The following HECW2 variants were observed in gnomAD, a reference collection of about 807,000 sequenced individuals.
HECW2 encodes the protein E3 ubiquitin-protein ligase HECW2.
A neutral mutation model predicts 175.2 loss-of-function variants in HECW2; 61 were observed. The observed-to-expected ratio is 0.35, with a 90% CI of 0.28 to 0.43. The LOEUF is 0.43. Ranked by LOEUF, HECW2 falls within the 20% of genes least tolerant of loss-of-function variation. The probability of loss-of-function intolerance (pLI) is 1.00; values close to 1 mark genes in which losing one functional copy is unlikely to be tolerated. For missense variants in HECW2, 1,524 were observed against 2,000.5 expected, an observed-to-expected ratio of 0.76 and a Z score of 4.54; for synonymous variants, 671 against 731.0, an observed-to-expected ratio of 0.92 and a Z score of 1.32.
chr2:196,351,190 TA>T (rs891491822), intron 2 of HECW2, among the ~76,000 whole-genome samples: 25 of 151,366 alleles, frequency 1.7e-4, no homozygotes, highest in African/African-American at 4.4e-4. Context: ...TCTTTTTTTT[TA>T]AAAAAAATGA....
Position 196,410,204 on chromosome 2 carries a change from TG to T in HECW2, c.292+22927del, listed in dbSNP as rs1695071627. 2.0e-5 allele frequency among the ~76,000 whole-genome samples: 3 copies of T among 152,318 alleles called. No individual in the cohort carries two copies. In the South Asian group the frequency reaches 6.2e-4, roughly 32 times the overall value. On this transcript the variant is annotated intron_variant, in intron 2 of 28. Transcript: ENST00000644978. ...GTTCTCACTTAGGGATGCAAAGATTTGTAAATATGATCTTTGTTCCATGGTC... is the reference window on the plus strand; with the variant it reads ...GTTCTCACTTAGGGATGCAAAGATTTTAAATATGATCTTTGTTCCATGGTC...
intron 2 of HECW2, among the ~76,000 whole-genome samples, chr2:196,431,069 G>A (rs918128398): frequency 1.3e-5 from 2 of 152,156 alleles, no homozygotes; most frequent in African/African-American, 4.8e-5. Context: ...GTAACATACA[G>A]GGGAACAAAG....
At chr2:196,213,554 C>T (rs1022679926) in intron 28 of HECW2, among the ~76,000 whole-genome samples, 14 of 152,076 alleles carry the variant, frequency 9.2e-5, no homozygotes, top group South Asian at 8.3e-4. Flanking sequence ...GGGCTTGTTA[C>T]GGAGAGGGTA....
intron 2 of HECW2, among the ~76,000 whole-genome samples, chr2:196,382,500 T>C (rs1037112659): frequency 6.6e-6 from 1 of 152,070 alleles, no homozygotes; most frequent in Non-Finnish European, 1.5e-5. Flanking sequence ...AACATTATCT[T>C]ACAGTTTTTT....
At chr2:196,401,770 T>G (rs1170236242) in intron 2 of HECW2, among the ~76,000 whole-genome samples, 1 of 152,152 alleles carries the variant, frequency 6.6e-6, no homozygotes, top group Non-Finnish European at 1.5e-5. Context: ...GAGAAAAAAT[T>G]TTTACTAATG....
intron 2 of HECW2, among the ~76,000 whole-genome samples, chr2:196,368,719 T>C (rs1693823975): frequency 1.3e-5 from 2 of 152,118 alleles, no homozygotes; most frequent in South Asian, 2.1e-4. Context: ...GTCTTCAAGA[T>C]AATTTTTTCT....
At chr2:196,542,587 T>G (rs1015246662) in intron 1 of HECW2, among the ~76,000 whole-genome samples, 1 of 151,966 alleles carries the variant, frequency 6.6e-6, no homozygotes, top group African/African-American at 2.4e-5. Context: ...AAAGTCTCCC[T>G]TACACCCTTT....
intron 17 of HECW2, among the ~76,000 whole-genome samples, chr2:196,267,973 G>A (rs1214267094): frequency 1.3e-5 from 2 of 152,144 alleles, no homozygotes; most frequent in African/African-American, 2.4e-5. Flanking sequence ...AGTGAACTTT[G>A]ACACATAGAT....
chr2:196,348,339 C>A (rs6756386), intron 2 of HECW2, among the ~76,000 whole-genome samples: 1,602 of 152,112 alleles, frequency 0.011, 26 homozygotes, highest in African/African-American at 0.036. Context: ...ATGCCCCCAA[C>A]CCAAAGTAAG....
At chr2:196,570,852 G>T (rs1225498780) in intron 1 of HECW2, among the ~76,000 whole-genome samples, 1 of 152,060 alleles carries the variant, frequency 6.6e-6, no homozygotes, top group Non-Finnish European at 1.5e-5. Flanking sequence ...TTTCCCTTTA[G>T]AAAGTGCATG....
At chr2:196,483,366 T>C (rs1170725179) in intron 1 of HECW2, among the ~76,000 whole-genome samples, 1 of 152,152 alleles carries the variant, frequency 6.6e-6, no homozygotes, top group African/African-American at 2.4e-5. Context: ...CTCACTGAAA[T>C]AGAGAAGACA....
chr2:196,261,633 C>A (rs1558992036), intron 17 of HECW2, among the ~76,000 whole-genome samples: 1 of 152,192 alleles, frequency 6.6e-6, no homozygotes, highest in African/African-American at 2.4e-5. Context: ...ATAATGGTCT[C>A]AACATTGGTG....
chr2:196,274,272 G>A (rs962837239), intron 15 of HECW2, 149 bp from the exon 16 acceptor site: 5 of 614,664 alleles, frequency 8.1e-6, no homozygotes, highest in African/African-American at 5.6e-5. Context: ...CTGAAGCAGG[G>A]TTCTTAGTTA....
intron 1 of HECW2, among the ~76,000 whole-genome samples, chr2:196,574,145 C>T (rs1420672622): frequency 1.3e-5 from 2 of 152,000 alleles, no homozygotes; most frequent in Non-Finnish European, 2.9e-5. Context: ...AAACAAAATA[C>T]TTGGCTAGGC....
intron 5 of HECW2, 48 bp downstream of exon 5, chr2:196,329,527 G>A (rs754140421): frequency 9.4e-6 from 14 of 1,491,786 alleles, no homozygotes; most frequent in South Asian, 2.3e-5. Context: ...TCATACCTTC[G>A]AAACTGTACA....
chr2:196,477,087 G>C (rs1313437732), intron 1 of HECW2, among the ~76,000 whole-genome samples: 1 of 150,918 alleles, frequency 6.6e-6, no homozygotes, highest in Non-Finnish European at 1.5e-5. Flanking sequence ...AGGTTAACAG[G>C]AGCTGTGATT....
chr2:196,214,900 C>A (rs944199786), intron 28 of HECW2, among the ~76,000 whole-genome samples: 1 of 152,118 alleles, frequency 6.6e-6, no homozygotes, highest in Non-Finnish European at 1.5e-5. Context: ...TATATAGTAA[C>A]AATAATATCA....
intron 2 of HECW2, among the ~76,000 whole-genome samples, chr2:196,364,047 G>C (rs1395164575): frequency 6.6e-6 from 1 of 152,086 alleles, no homozygotes; most frequent in East Asian, 1.9e-4. Flanking sequence ...GTAGAAGAGA[G>C]ACTCACCTAC....
intron 1 of HECW2, among the ~76,000 whole-genome samples, chr2:196,437,777 C>A: frequency 6.6e-6 from 1 of 151,324 alleles, no homozygotes; most frequent in Non-Finnish European, 1.5e-5. Context: ...AAAGTTAAAG[C>A]GGGAGAGAGA....
Sources: allele counts gnomAD v4.1 joint callset (sites outside exome capture counted in the v4.1 genomes callset), GRCh38; gene constraint gnomAD v4.1.1; transcripts MANE v1.5; gene names NCBI Gene and HGNC (gene_info 2026-07-23, HGNC 2026-07-21).